Variants in RAB27B observed in about 807,000 individuals in gnomAD.
The protein encoded by RAB27B is ras-related protein Rab-27B.
A neutral mutation model predicts 24.6 loss-of-function variants in RAB27B; 15 were observed. The observed-to-expected ratio is 0.61, with a 90% confidence interval of 0.41 to 0.94. The LOEUF (loss-of-function observed/expected upper bound fraction) is 0.94, where lower values mean the gene tolerates loss of function less well. RAB27B is among the 40% of genes least tolerant of loss of function. The probability of loss-of-function intolerance (pLI) is 0.00; values close to 1 mark genes in which losing one functional copy is unlikely to be tolerated. For missense variants in RAB27B, 261 were observed against 266.8 expected (o/e 0.98, Z 0.15); for synonymous variants, 105 against 92.5 (o/e 1.14, Z -0.78).
At chr18:54,737,144 C>A (rs1425846979) in intron 2 of RAB27B, among the ~76,000 whole-genome samples, 5 of 152,116 alleles carry the variant, frequency 3.3e-5, no homozygotes, top group African/African-American at 1.2e-4. Flanking sequence ...CTTACATAGT[C>A]ATGGACTTTC....
chr18:54,794,301 T>A (rs970139112), intron 2 of RAB27B, among the ~76,000 whole-genome samples: 1 of 152,208 alleles, frequency 6.6e-6, no homozygotes, highest in East Asian at 1.9e-4. Flanking sequence ...CTATACACTT[T>A]GAGTGCTAGG....
intron 1 of RAB27B, among the ~76,000 whole-genome samples, chr18:54,832,425 G>A (rs1414215319): frequency 6.6e-6 from 1 of 152,204 alleles, no homozygotes; most frequent in Non-Finnish European, 1.5e-5. Flanking sequence ...GAATTTATTT[G>A]CAGCCTTTTG....
In RAB27B at chr18:54,838,484, C is replaced by A. The variant is rs148316835; in HGVS notation, c.-20+9784C>A. On this transcript the variant is annotated intron_variant, in intron 1 of 5. Transcript: ENST00000262094. The stretch of plus-strand genomic sequence containing the variant: ...CATCTGGGTGCTTCACACTCTCCAT[C>A]ACAAGTATTTCTGACTATTTAATAA... 9.3e-4 allele frequency among the ~76,000 whole-genome samples: 141 copies of A among 152,226 alleles called. 1 individual carries two copies. The highest frequency in any genetic ancestry group is 2.9e-3 in the African/African-American group (122 of 41,560).
intron 2 of RAB27B, among the ~76,000 whole-genome samples, chr18:54,781,964 T>C (rs1276978270): frequency 6.6e-6 from 1 of 152,222 alleles, no homozygotes; most frequent in Non-Finnish European, 1.5e-5. Flanking sequence ...CCCACTAAGC[T>C]TTTAAATAAA....
At chr18:54,730,737 G>C (rs1259265622) in intron 2 of RAB27B, among the ~76,000 whole-genome samples, 1 of 152,134 alleles carries the variant, frequency 6.6e-6, no homozygotes, top group Non-Finnish European at 1.5e-5. Flanking sequence ...TCTGCCATGA[G>C]TAAAAGCTTC....
chr18:54,873,720 TGTGTGTGTGA>T (rs1200020107), intron 1 of RAB27B, among the ~76,000 whole-genome samples: 4 of 144,872 alleles, frequency 2.8e-5, no homozygotes, highest in Non-Finnish European at 4.7e-5. Flanking sequence ...TGTGTGTGTG[TGTGTGTGTGA>T]GTGTGTTGAC....
intron 1 of RAB27B, among the ~76,000 whole-genome samples, chr18:54,868,645 C>T (rs375455232): frequency 1.3e-4 from 20 of 151,038 alleles, no homozygotes; most frequent in East Asian, 1.9e-4. Flanking sequence ...TTTTTTGAGA[C>T]GGAGTTTCTG....
chr18:54,868,636 T>TTGTA (rs1316496571), intron 1 of RAB27B, among the ~76,000 whole-genome samples: 1 of 152,014 alleles, frequency 6.6e-6, no homozygotes, highest in Non-Finnish European at 1.5e-5. Flanking sequence ...GTTTGTTTGT[T>TTGTA]TTTTGAGACG....
rs567284625 is a variant in RAB27B, at chr18:54,844,794, C to T, written c.-20+16094C>T. ...CATCCTAAATAAATGAGCTGATCTG[C>T]TTCTTTTGTCCTACAAATTTCACAT... On this transcript the variant is annotated intron_variant, in intron 1 of 5. Transcript: ENST00000262094. Among the ~76,000 whole-genome samples, 4 of 152,268 alleles carry T rather than the reference C, an allele frequency of 2.6e-5. No homozygotes were observed. In the South Asian group the frequency reaches 8.3e-4, roughly 32 times the overall value.
intron 1 of RAB27B, among the ~76,000 whole-genome samples, chr18:54,855,207 A>G (rs1339571907): frequency 6.6e-6 from 1 of 152,148 alleles, no homozygotes; most frequent in Non-Finnish European, 1.5e-5. Context: ...GCTGCTGCTG[A>G]TCTGACAGGA....
At chr18:54,723,247 A>G (rs766980292) in intron 2 of RAB27B, among the ~76,000 whole-genome samples, 16 of 152,214 alleles carry the variant, frequency 1.1e-4, no homozygotes, top group African/African-American at 1.4e-4. Context: ...TTGTGCTGCT[A>G]CTGTTTAAAA....
rs1909518227 is a variant in RAB27B at position 54,725,773 on chromosome 18, C to T, written c.-20+7632C>T. Among the ~76,000 whole-genome samples the T allele has an allele frequency of 1.3e-5, 2 of 151,596 alleles. 1 individual carries two copies. Among genetic ancestry groups the T allele is most frequent in the Admixed American group, 1.3e-4 (2 of 15,176 alleles). On this transcript the variant is annotated intron_variant, in intron 2 of 4. Coordinates refer to the RAB27B transcript ENST00000586570. ...ACCACCCCCATGATTAAATTATCTC[C>T]ACCTGGTCTCTGTCACGACATGTGG... is the stretch of plus-strand genomic sequence containing the variant.
intron 4 of RAB27B, among the ~76,000 whole-genome samples, chr18:54,884,671 G>T (rs2145286936): frequency 6.6e-6 from 1 of 152,256 alleles, no homozygotes. Flanking sequence ...TTTAGAGGAA[G>T]CCTATGTAGC....
intron 2 of RAB27B, among the ~76,000 whole-genome samples, chr18:54,768,595 T>G (rs897343723): frequency 4.6e-5 from 7 of 152,104 alleles, no homozygotes; most frequent in Non-Finnish European, 7.4e-5. Context: ...TTCTCAGGAT[T>G]TATTATCTTT....
At chr18:54,788,109 A>G (rs1747619011) in intron 2 of RAB27B, among the ~76,000 whole-genome samples, 2 of 152,174 alleles carry the variant, frequency 1.3e-5, no homozygotes, top group South Asian at 4.2e-4. Context: ...GCAAGGCCAG[A>G]CAAAAAATAG....
intron 1 of RAB27B, among the ~76,000 whole-genome samples, chr18:54,867,511 A>G (rs973052551): frequency 2.3e-5 from 3 of 131,760 alleles, no homozygotes; most frequent in Non-Finnish European, 3.1e-5. Flanking sequence ...CAGTGACGCT[A>G]TCTCGGCTCA....
At chr18:54,757,009 C>T (rs780592179) in intron 2 of RAB27B, among the ~76,000 whole-genome samples, 3 of 152,088 alleles carry the variant, frequency 2.0e-5, no homozygotes, top group Admixed American at 6.6e-5. Context: ...CTGCAATGAT[C>T]GCTAGAGGTC....
chr18:54,850,377 T>TATATATAC, intron 1 of RAB27B, among the ~76,000 whole-genome samples: 1 of 139,540 alleles, frequency 7.2e-6, no homozygotes, highest in African/African-American at 2.7e-5. Flanking sequence ...TACATATGTT[T>TATATATAC]AGTTTTTTTC....
chr18:54,821,603 A>G (rs928957838), intron 2 of RAB27B, among the ~76,000 whole-genome samples: 1 of 152,228 alleles, frequency 6.6e-6, no homozygotes, highest in Admixed American at 6.5e-5. Context: ...TGCCAAGTCA[A>G]TCCCAAGCCA....
Sources: allele counts gnomAD v4.1 joint callset (sites outside exome capture counted in the v4.1 genomes callset), GRCh38; gene constraint gnomAD v4.1.1; transcripts MANE v1.5; gene names NCBI Gene and HGNC (gene_info 2026-07-23, HGNC 2026-07-21).